The following QRFPR variants were observed in gnomAD, a reference collection of about 807,000 sequenced individuals.
QRFPR encodes the protein pyroglutamylated RF-amide peptide receptor.
In QRFPR, 37 loss-of-function variants were observed where a neutral mutation model predicts 31.3. That is an observed-to-expected ratio of 1.18 (90% CI 0.91 to 1.56). The LOEUF (loss-of-function observed/expected upper bound fraction) is 1.56. Ranked by LOEUF, QRFPR falls within the 40% of genes most tolerant of loss-of-function variation. The probability of loss-of-function intolerance (pLI) is 0.00; values close to 1 mark genes in which losing one functional copy is unlikely to be tolerated. For missense variants in QRFPR, 542 were observed against 532.5 expected (o/e 1.02, Z -0.18); for synonymous variants, 197 against 192.0 (o/e 1.03, Z -0.22).
Position 121,380,444 on chromosome 4 carries a change from G to A in QRFPR, c.204C>T (p.Tyr68=). 1 of 1,614,188 alleles carries A rather than the reference G, an allele frequency of 6.2e-7. No homozygotes were observed. The highest frequency in any genetic ancestry group is 8.5e-7 in the Non-Finnish European group (1 of 1,179,992). The change falls in exon 1 of 6, where the codon TAC becomes TAT. Residue 68 remains tyrosine (Y), a synonymous_variant. Coordinates refer to ENST00000394427, the MANE Select transcript of QRFPR (RefSeq NM_198179.3). ...LALFGNALVF[Y]VVTRSKAMRT... is the part of the protein sequence containing the mutation. ...GCATGGCCTTGCTGCGGGTCACCAC[G>A]TAGAACACCAGAGCATTGCCAAAGA...
In QRFPR at chr4:121,329,573, G is replaced by A; in HGVS notation, c.1037C>T (p.Ala346Val). ...NENFKKNVLS[A>V]VCYCIVNKTF... ...TTTATTTACTATGCAATAACAAACTGCAGACAAAACATTTTTTTTGAAGTT... is the reference window on the plus strand; with the variant it reads ...TTTATTTACTATGCAATAACAAACTACAGACAAAACATTTTTTTTGAAGTT... The change falls in exon 6 of 6, where the codon GCA (alanine) becomes GTA (valine). Residue 346 changes from alanine to valine, a missense_variant. Physicochemically the swap from Ala to Val is moderately conservative, Grantham distance 64. Transcript: ENST00000394427. 5 of 1,613,558 alleles carry A rather than the reference G, an allele frequency of 3.1e-6. No homozygotes were observed. Among genetic ancestry groups the A allele is most frequent in the Non-Finnish European group, 4.2e-6 (5 of 1,179,748 alleles).
At chr4:121,352,671 A>G (rs1190405047) in intron 1 of QRFPR, among the ~76,000 whole-genome samples, 1 of 152,052 alleles carries the variant, frequency 6.6e-6, no homozygotes, top group Non-Finnish European at 1.5e-5. Flanking sequence ...TGATCAAATC[A>G]TGGTCACTGG....
intron 4 of QRFPR, among the ~76,000 whole-genome samples, chr4:121,332,307 AT>A (rs1725342505): frequency 6.6e-6 from 1 of 152,236 alleles, no homozygotes; most frequent in Non-Finnish European, 1.5e-5. Context: ...TTAGGTAAAA[AT>A]AACTCAATAA....
rs145613994 is a variant in QRFPR at position 121,334,862 on chromosome 4, C to G, written c.562-1806G>C. Among the ~76,000 whole-genome samples the G allele has an allele frequency of 1.8e-4, 28 of 152,250 alleles. No individual in the cohort carries two copies. In the East Asian group the frequency reaches 4.3e-3, roughly 23 times the overall value. On this transcript the variant is annotated intron_variant, in intron 3 of 5. Coordinates refer to ENST00000394427, the MANE Select transcript of QRFPR (RefSeq NM_198179.3). ...GTGATAAGTTCACACTCACTGCAAGCTCAGGACGATATTAGGCAGTGGAAT... is the reference window on the plus strand; with the variant it reads ...GTGATAAGTTCACACTCACTGCAAGGTCAGGACGATATTAGGCAGTGGAAT...
rs112472687 is a variant in QRFPR at position 121,380,841 on chromosome 4, C to G, written c.-194G>C. On this transcript the variant is annotated 5_prime_UTR_variant, in exon 1 of 6. Transcript: ENST00000394427. Reference sequence around the variant, plus strand: ...GAGAGCAGCTCAGGGATCAAACCCACGATAAAGAGGCGGGAAGCCAAAGCA... The same window carrying G: ...GAGAGCAGCTCAGGGATCAAACCCAGGATAAAGAGGCGGGAAGCCAAAGCA... 3 of 552,232 alleles carry G rather than the reference C, an allele frequency of 5.4e-6. No homozygotes were observed. Among genetic ancestry groups the G allele is most frequent in the Non-Finnish European group, 9.5e-6 (3 of 315,422 alleles). The allele number at this position is 552,232 out of a possible 1,614,324, so 34.2% of individuals were successfully genotyped here.
chr4:121,369,710 C>A, intron 1 of QRFPR: 1 of 1,590,162 alleles, frequency 6.3e-7, no homozygotes, highest in Non-Finnish European at 8.6e-7. Context: ...GTCCTTATCC[C>A]CACTTCCAGA....
rs1486029223 is a variant in QRFPR, at chr4:121,329,518, A to G, written c.1092T>C (p.Asn364=). Residue 364 remains asparagine (N), a synonymous_variant, in exon 6 of 6, where the codon AAT becomes AAC. Transcript: ENST00000394427. ...KTFSPAQRHG[N]SGITMMRKKA... ...TCTTCCGCATCATTGTAATTCCTGA[A>G]TTTCCATGCCTTTGTGCTGGAGAGA... 1 of 1,614,046 alleles carries G rather than the reference A, an allele frequency of 6.2e-7. No individual in the cohort carries two copies. Among genetic ancestry groups the G allele is most frequent in the Admixed American group, 1.7e-5 (1 of 60,022 alleles).
chr4:121,340,365 G>T, intron 2 of QRFPR, 87 bp downstream of exon 2: 1 of 1,397,514 alleles, frequency 7.2e-7, no homozygotes, highest in Non-Finnish European at 1.0e-6. Context: ...TAGATAAGAA[G>T]CTACTCTTCT....
chr4:121,380,183 A>ACAG, intron 1 of QRFPR, 125 bp downstream of exon 1: 1 of 493,710 alleles, frequency 2.0e-6, no homozygotes, highest in Non-Finnish European at 3.4e-6. Flanking sequence ...GACAGACGAG[A>ACAG]GAGGAGAGAG....
chr4:121,329,930 T>G (rs549770458), intron 5 of QRFPR, among the ~76,000 whole-genome samples: 1 of 152,322 alleles, frequency 6.6e-6, no homozygotes, highest in African/African-American at 2.4e-5. Flanking sequence ...CGTAGCCTGG[T>G]GTCCAGCATA....
intron 1 of QRFPR, among the ~76,000 whole-genome samples, chr4:121,367,807 A>G (rs1346332067): frequency 6.7e-6 from 1 of 149,998 alleles, no homozygotes. Context: ...CTAAGTTTAC[A>G]TATTAGGACA....
At chr4:121,372,173 G>A (rs1012647973) in intron 1 of QRFPR, among the ~76,000 whole-genome samples, 8 of 152,096 alleles carry the variant, frequency 5.3e-5, no homozygotes, top group African/African-American at 1.7e-4. Context: ...CACAAGACAG[G>A]GATAAGAAAC....
Position 121,329,135 on chromosome 4 carries a change from C to G in QRFPR, c.*179G>C. ...CAGAAATCTGTTAAATGATTGTGAT[C>G]AATTGGTTGTAAACATCACTGCACT... On this transcript the variant is annotated 3_prime_UTR_variant, in exon 6 of 6. Transcript: ENST00000394427. 3.9e-6 allele frequency: 2 copies of G among 516,896 alleles called. No individual in the cohort carries two copies. Among genetic ancestry groups the G allele is most frequent in the Admixed American group, 3.6e-5 (1 of 27,452 alleles). The allele number at this position is 516,896 out of a possible 1,614,324, so 32.0% of individuals were successfully genotyped here. A position where few individuals can be genotyped will look rare whatever the true frequency, so the allele number is the denominator to read the frequency against.
intron 1 of QRFPR, chr4:121,369,444 G>T: frequency 1.1e-6 from 1 of 911,466 alleles, no homozygotes; most frequent in Non-Finnish European, 1.7e-6. Flanking sequence ...AAGCCAGTGG[G>T]TGTGAGCACA....
intron 1 of QRFPR, among the ~76,000 whole-genome samples, chr4:121,376,110 C>T (rs1201987163): frequency 6.6e-6 from 1 of 152,166 alleles, no homozygotes; most frequent in Non-Finnish European, 1.5e-5. Context: ...GAGAAGAGAA[C>T]AGAGACAAAA....
intron 1 of QRFPR, among the ~76,000 whole-genome samples, chr4:121,347,970 T>C (rs978886037): frequency 6.6e-6 from 1 of 152,210 alleles, no homozygotes; most frequent in African/African-American, 2.4e-5. Context: ...TTTAATCTGC[T>C]TTTTATATGG....
chr4:121,341,811 G>A (rs746999247), intron 1 of QRFPR, among the ~76,000 whole-genome samples: 4 of 152,044 alleles, frequency 2.6e-5, no homozygotes, highest in Non-Finnish European at 4.4e-5. Context: ...TTTCAGAGAC[G>A]GAATACTCCA....
Position 121,380,363 on chromosome 4 carries a change from G to A in QRFPR, c.285C>T (p.Thr95=). 1 of 1,614,086 alleles carries A rather than the reference G, an allele frequency of 6.2e-7. No homozygotes were observed. Among genetic ancestry groups the A allele is most frequent in the Admixed American group, 1.7e-5 (1 of 60,016 alleles). ...GCATGGTGACGGGAATGCAGAAGAAGGTGATGAGCAGGTCACTGAGCGCCA... is the reference window on the plus strand; with the variant it reads ...GCATGGTGACGGGAATGCAGAAGAAAGTGATGAGCAGGTCACTGAGCGCCA... The part of the protein sequence containing the change: ...CSLALSDLLI[T]FFCIPVTMLQ... The change falls in exon 1 of 6, where the codon ACC becomes ACT. Residue 95 remains threonine (T), a synonymous_variant. Coordinates refer to ENST00000394427, the MANE Select transcript of QRFPR (RefSeq NM_198179.3).
At chr4:121,344,290 C>A (rs1178686348) in intron 1 of QRFPR, among the ~76,000 whole-genome samples, 3 of 152,172 alleles carry the variant, frequency 2.0e-5, no homozygotes, top group African/African-American at 7.2e-5. Context: ...CCTTCCATTA[C>A]GTCACCCTCA....
Sources: gnomAD v4.1 joint callset for allele counts (sites outside exome capture counted in the v4.1 genomes callset) on GRCh38, gnomAD v4.1.1 for gene constraint, MANE v1.5 for transcripts, NCBI Gene and HGNC (gene_info 2026-07-23, HGNC 2026-07-21) for gene names.